The following MUC4 variants were observed in gnomAD, a reference collection of about 807,000 sequenced individuals.
MUC4 encodes mucin-4.
Under a neutral mutation model 257.9 loss-of-function variants are expected in MUC4, and 202 were observed. The observed-to-expected ratio is 0.78, with a 90% CI of 0.70 to 0.88. The LOEUF is 0.88. Among genes scored for constraint, MUC4 ranks in the 40% least tolerant of loss-of-function variants. The pLI is 0.00. For missense variants in MUC4, 5,976 were observed against 6,513.7 expected (o/e 0.92, Z 2.84); for synonymous variants, 2,351 against 2,757.1 (o/e 0.85, Z 4.62).
At chr3:195,778,224 AC>A in intron 3 of MUC4, 78 bp downstream of exon 3, 1 of 1,477,532 alleles carries the variant, frequency 6.8e-7, no homozygotes, top group Middle Eastern at 2.5e-4. Context: ...GAGAGCGGAG[AC>A]TGTGGGAAGT....
Position 195,762,996 on chromosome 3 carries a change from G to A in MUC4, c.14254-51C>T, listed in dbSNP as rs370556651. ...AGCCCGACCCGCAGGTGGAGCCGAC[G>A]CCCAGGAAAGCAGCTGGGAGAGCCC... On this transcript the variant is annotated intron_variant, in intron 12 of 24. Transcript: ENST00000463781. 1.5e-4 allele frequency: 215 copies of A among 1,399,610 alleles called. No individual in the cohort carries two copies. In the African/African-American group the frequency reaches 2.5e-3, roughly 16 times the overall value. The allele number at this position is 1,399,610 out of a possible 1,614,324, so 86.7% of individuals were successfully genotyped here. A position where few individuals can be genotyped will look rare whatever the true frequency, so the allele number is the denominator to read the frequency against.
intron 16 of MUC4, 26 bp from the exon 17 acceptor site, chr3:195,759,287 T>C: frequency 6.2e-7 from 1 of 1,610,930 alleles, no homozygotes; most frequent in Non-Finnish European, 8.5e-7. Flanking sequence ...GGAATGGGGG[T>C]TCCGAGGCAG....
rs182430335 is a variant in MUC4, at chr3:195,762,325, C to T, written c.14345-71G>A. On this transcript the variant is annotated intron_variant, in intron 13 of 24. Coordinates refer to ENST00000463781, the MANE Select transcript of MUC4 (RefSeq NM_018406.7). ...GGCCCGCACCAAACCCGCGCCCTGC[C>T]GGGCCCGCACCACCCCCACCCCGCC... 3.7e-4 allele frequency: 536 copies of T among 1,457,710 alleles called. 5 individuals carry two copies. In the African/African-American group the frequency reaches 6.8e-3, roughly 18 times the overall value. The allele number at this position is 1,457,710 out of a possible 1,614,324, so 90.3% of individuals were successfully genotyped here. A position where few individuals can be genotyped will look rare whatever the true frequency, so the allele number is the denominator to read the frequency against.
rs1718787085 is a variant in MUC4 at position 195,761,069 on chromosome 3, G to A, written c.14663C>T (p.Pro4888Leu). ...GTAGAAAACAGGGGTGAAGTTGGAA[G>A]GCAGCTGGTCATTCCTCTTGCCAAG... The part of the protein sequence containing the change: ...GLLGKRNDQL[P>L]SNFTPVFYSQ... Residue 4888 changes from proline to leucine, a missense_variant, in exon 16 of 25, where the codon CCT (proline) becomes CTT (leucine). Transcript: ENST00000463781. The A allele has an allele frequency of 6.2e-7, 1 of 1,614,212 alleles. No individual in the cohort carries two copies. Among genetic ancestry groups the A allele is most frequent in the Non-Finnish European group, 8.5e-7 (1 of 1,180,024 alleles).
chr3:195,781,463 C>T lies in MUC4; in HGVS notation c.10117G>A (p.Asp3373Asn), dbSNP rs769710113. 1.8e-5 allele frequency: 27 copies of T among 1,528,482 alleles called. No homozygotes were observed. The highest frequency in any genetic ancestry group is 2.4e-5 in the Non-Finnish European group (27 of 1,138,824). 94.7% of individuals were successfully genotyped at this position (1,528,482 alleles called of 1,614,324 possible). Residue 3373 changes from aspartate (D) to asparagine (N), a missense_variant, in exon 2 of 25, where the codon GAC becomes AAC. Physicochemically the swap from Asp to Asn is conservative, Grantham distance 23. Around this residue, in one of 44 missense-constraint regions of MUC4, gnomAD observed 297 missense variants for 240.9 expected, o/e 1.23. Coordinates refer to ENST00000463781, the MANE Select transcript of MUC4 (RefSeq NM_018406.7). ...VTGLSSASTG[D>N]TTRLPVTDIS... ...TCGGTGACAGGAAGACGGGTGGTGT[C>T]ACCTGTGGAAGCTGAGGAAAGGCCG... is the stretch of plus-strand genomic sequence containing the variant.
At chr3:195,765,166 A>C in intron 9 of MUC4, 44 bp from the exon 10 acceptor site, 1 of 1,582,022 alleles carries the variant, frequency 6.3e-7, no homozygotes. Flanking sequence ...TGGGGCTGCC[A>C]GGGGCGGGGT....
chr3:195,775,620 T>C (rs369218301), intron 3 of MUC4, among the ~76,000 whole-genome samples: 926 of 25,344 alleles, frequency 0.037, 4 homozygotes, highest in African/African-American at 0.045. Context: ...CCTTCCACAG[T>C]CATACCTTCC....
intron 13 of MUC4, 49 bp from the exon 14 acceptor site, chr3:195,762,303 C>A (rs547607945): frequency 6.6e-7 from 1 of 1,513,960 alleles, no homozygotes; most frequent in South Asian, 1.2e-5. Context: ...GCACCACGGC[C>A]CGCACCAAAC....
intron 23 of MUC4, 37 bp from the exon 24 acceptor site, chr3:195,749,101 C>A: frequency 6.2e-7 from 1 of 1,601,396 alleles, no homozygotes; most frequent in East Asian, 2.2e-5. Context: ...AGAAAGCAAC[C>A]GATGAACACT....
rs369595638 is a variant in MUC4 at position 195,794,466 on chromosome 3, T to C, written c.83-2969A>G. Among the ~76,000 whole-genome samples the C allele has an allele frequency of 2.0e-5, 3 of 152,198 alleles. No homozygotes were observed. In the East Asian group the frequency reaches 5.8e-4, roughly 29 times the overall value. ...GGTCTTCTGTCACCCAGGCTGAAGT[T>C]CAGCGGTGTAATTGGCCTTCTGAGT... On this transcript the variant is annotated intron_variant, in intron 1 of 24. Transcript: ENST00000463781.
chr3:195,805,583 C>T (rs777106043), intron 1 of MUC4, among the ~76,000 whole-genome samples: 3 of 152,176 alleles, frequency 2.0e-5, no homozygotes, highest in Non-Finnish European at 4.4e-5. Context: ...TGCCTGTGAT[C>T]CCAGTTGGAA....
Position 195,774,164 on chromosome 3 carries a change from G to A in MUC4, c.13077+8C>T, listed in dbSNP as rs371126695. On this transcript the variant is annotated splice_region_variant and intron_variant, in intron 4 of 24. Transcript: ENST00000463781. Reference sequence around the variant, plus strand: ...GTTCAGGCTGCGCGGGCCGCAGCCCGGACTCACGTAGAGGGAATCACGGAG... The same window carrying A: ...GTTCAGGCTGCGCGGGCCGCAGCCCAGACTCACGTAGAGGGAATCACGGAG... 38 of 1,600,984 alleles carry A rather than the reference G, an allele frequency of 2.4e-5. No homozygotes were observed. The Middle Eastern group carries it at 5.3e-4, about 22-fold the overall frequency.
rs768666081 is a variant in MUC4, at chr3:195,753,080, C to T, written c.15479G>A (p.Gly5160Glu). Residue 5160 changes from glycine (G) to glutamate (E), a missense_variant, in exon 20 of 25, where the codon GGG becomes GAG. Transcript: ENST00000463781. ...AFTDSRCFLA[G>E]NNFSPTVNLE... ...GTTGACAGTTGGACTGAAGTTGTTC[C>T]CAGCCAGGAAGCAGCGGCTGTCAGT... The T allele has an allele frequency of 6.2e-7, 1 of 1,609,906 alleles. No individual in the cohort carries two copies. The highest frequency in any genetic ancestry group is 1.1e-5 in the South Asian group (1 of 90,944).
At chr3:195,751,536 G>C (rs1226938654) in intron 21 of MUC4, 3 of 574,844 alleles carry the variant, frequency 5.2e-6, no homozygotes, top group Non-Finnish European at 9.3e-6. Context: ...CAGAGAATCT[G>C]ACATGAATGG....
intron 1 of MUC4, among the ~76,000 whole-genome samples, chr3:195,802,170 C>T (rs1386451386): frequency 1.3e-5 from 2 of 152,224 alleles, no homozygotes; most frequent in African/African-American, 4.8e-5. Flanking sequence ...TCCTTCTGTT[C>T]ATGCTAACAA....
At chr3:195,756,727 A>G (rs1455154861) in intron 18 of MUC4, among the ~76,000 whole-genome samples, 2 of 150,188 alleles carry the variant, frequency 1.3e-5, no homozygotes, top group East Asian at 3.9e-4. Context: ...CAATGGCGCA[A>G]TCTTGGCTCA....
intron 2 of MUC4, 49 bp downstream of exon 2, chr3:195,778,741 C>T (rs755211704): frequency 2.9e-5 from 45 of 1,535,064 alleles, no homozygotes; most frequent in South Asian, 9.9e-5. Flanking sequence ...GGCTGAATTC[C>T]GCCAAGGGGC....
chr3:195,789,127 C>T lies in MUC4; in HGVS notation c.2453G>A (p.Ser818Asn). Residue 818 changes from serine (S) to asparagine (N), a missense_variant, in exon 2 of 25, where the codon AGC (serine) becomes AAC (asparagine). Physicochemically the swap from Ser to Asn is conservative, Grantham distance 46. Coordinates refer to ENST00000463781, the MANE Select transcript of MUC4 (RefSeq NM_018406.7). ...SGASGTTPSG[S>N]EGISTSGETT... Reference sequence around the variant, plus strand: ...CTCTCCTGAGGTGGATATTCCTTCGCTTCCTGAAGGTGTTGTGCCACTCGC... The same window carrying T: ...CTCTCCTGAGGTGGATATTCCTTCGTTTCCTGAAGGTGTTGTGCCACTCGC... 2 of 1,613,644 alleles carry T rather than the reference C, an allele frequency of 1.2e-6. No homozygotes were observed. The highest frequency in any genetic ancestry group is 1.7e-6 in the Non-Finnish European group (2 of 1,179,770).
In MUC4 at chr3:195,774,203, G is replaced by C. The variant is rs775378211; in HGVS notation, c.13046C>G (p.Pro4349Arg). 7.4e-5 allele frequency: 119 copies of C among 1,608,918 alleles called. 3 individuals carry two copies. In the South Asian group the frequency reaches 1.3e-3, roughly 18 times the overall value. Reference protein sequence around the residue: ...SPLFKPATGFPLGSSLRDSLY... With the variant: ...SPLFKPATGFRLGSSLRDSLY... The stretch of plus-strand genomic sequence containing the variant: ...GGAATCACGGAGAGAGGAGCCAAGG[G>C]GGAAGCCAGTCGCCGGCTTGAAGAG... Residue 4349 changes from proline (P) to arginine (R), a missense_variant, in exon 4 of 25, where the codon CCC becomes CGC. Transcript: ENST00000463781.
Sources: allele counts gnomAD v4.1 joint callset (sites outside exome capture counted in the v4.1 genomes callset), GRCh38; gene constraint gnomAD v4.1.1; regional missense constraint gnomAD v4.1.1; transcripts MANE v1.5; gene names NCBI Gene and HGNC (gene_info 2026-07-23, HGNC 2026-07-21).